Variants in VWC2 observed in about 807,000 individuals in gnomAD.
VWC2 encodes the protein brorin.
Under a neutral mutation model 29.8 loss-of-function variants are expected in VWC2, and 14 were observed. The ratio of observed to expected loss-of-function variants is 0.47; its 90% confidence interval spans 0.31 to 0.74. The LOEUF (loss-of-function observed/expected upper bound fraction) is 0.74. Among genes scored for constraint, VWC2 ranks in the 30% least tolerant of loss-of-function variants. VWC2 has a pLI of 0.05. For synonymous variants in VWC2, 213 were observed against 199.0 expected (o/e 1.07, Z -0.59); for missense variants, 457 against 459.8 (o/e 0.99, Z 0.05).
At chr7:49,836,206 A>C (rs1476807744) in intron 3 of VWC2, among the ~76,000 whole-genome samples, 1 of 152,216 alleles carries the variant, frequency 6.6e-6, no homozygotes, top group Non-Finnish European at 1.5e-5. Flanking sequence ...TCATATTTGT[A>C]AAACCAAACT....
chr7:49,916,064 C>T lies in VWC2; in HGVS notation c.*3879C>T, dbSNP rs1031654547. The T allele has an allele frequency of 3.9e-5, 6 of 152,210 alleles. No individual in the cohort carries two copies. Among genetic ancestry groups the T allele is most frequent in the African/African-American group, 1.4e-4 (6 of 41,460 alleles). 9.4% of individuals were successfully genotyped at this position (152,210 alleles called of 1,614,324 possible). On this transcript the variant is annotated 3_prime_UTR_variant, in exon 4 of 4. Transcript: ENST00000340652. ...ATTTTTCACATTTCAGCTGCAACTT[C>T]CAAAGATCAGGTTCTCATTGCTCCG...
intron 3 of VWC2, among the ~76,000 whole-genome samples, chr7:49,909,967 G>T (rs1411356818): frequency 6.6e-6 from 1 of 151,880 alleles, no homozygotes; most frequent in Non-Finnish European, 1.5e-5. Context: ...AAGTTACTCA[G>T]GTGTGGTGGT....
At chr7:49,851,225 T>A (rs918790097) in intron 3 of VWC2, among the ~76,000 whole-genome samples, 2 of 152,214 alleles carry the variant, frequency 1.3e-5, no homozygotes, top group African/African-American at 4.8e-5. Context: ...CCTTTTCTTA[T>A]AATGACACTT....
intron 3 of VWC2, among the ~76,000 whole-genome samples, chr7:49,866,639 T>C (rs917086617): frequency 3.3e-5 from 5 of 152,212 alleles, no homozygotes; most frequent in East Asian, 3.9e-4. Context: ...TCACAAAAGA[T>C]GGTCAGTTTT....
Position 49,867,845 on chromosome 7 carries a change from A to AT in VWC2, c.827-44183dup, listed in dbSNP as rs11448329. On this transcript the variant is annotated intron_variant, in intron 3 of 3. Coordinates refer to ENST00000340652, the MANE Select transcript of VWC2 (RefSeq NM_198570.5). ...ATTTTTTATTTTATTATTTTATTTT[A>AT]TTTTTTGAGGTGGAGTCTTGCCCTG... Among the ~76,000 whole-genome samples the AT allele has an allele frequency of 1.3e-3, 160 of 127,368 alleles. 1 individual carries two copies. Among genetic ancestry groups the AT allele is most frequent in the Non-Finnish European group, 1.7e-3 (96 of 56,382 alleles). 83.6% of individuals were successfully genotyped at this position (127,368 alleles called of 152,430 possible). A position where few individuals can be genotyped will look rare whatever the true frequency, so the allele number is the denominator to read the frequency against.
At chr7:49,785,282 T>C (rs1583623946) in intron 2 of VWC2, among the ~76,000 whole-genome samples, 1 of 152,208 alleles carries the variant, frequency 6.6e-6, no homozygotes. Context: ...AGGAAAGAGA[T>C]GTTTCGATAC....
chr7:49,795,936 G>C (rs1788579083), intron 2 of VWC2, among the ~76,000 whole-genome samples: 1 of 152,180 alleles, frequency 6.6e-6, no homozygotes, highest in Non-Finnish European at 1.5e-5. Flanking sequence ...GGCTTGGCAG[G>C]CTCCAGGGGG....
chr7:49,910,750 A>C (rs1284954994), intron 3 of VWC2, among the ~76,000 whole-genome samples: 1 of 152,198 alleles, frequency 6.6e-6, no homozygotes, highest in Non-Finnish European at 1.5e-5. Context: ...AATTACAGAG[A>C]TCCTCAATTC....
intron 3 of VWC2, among the ~76,000 whole-genome samples, chr7:49,804,602 G>A (rs1583639258): frequency 6.6e-6 from 1 of 152,172 alleles, no homozygotes; most frequent in African/African-American, 2.4e-5. Flanking sequence ...CCTAGCTTGA[G>A]TGTTAACAAT....
At chr7:49,786,489 G>T (rs1337214732) in intron 2 of VWC2, among the ~76,000 whole-genome samples, 1 of 152,138 alleles carries the variant, frequency 6.6e-6, no homozygotes, top group East Asian at 1.9e-4. Flanking sequence ...TTTTCCTTTG[G>T]GTATATACCC....
chr7:49,802,883 T>C (rs1383991176), intron 3 of VWC2, 43 bp downstream of exon 3: 1 of 1,613,034 alleles, frequency 6.2e-7, no homozygotes, highest in Non-Finnish European at 8.5e-7. Flanking sequence ...CCTCCCACCC[T>C]GATGCACAAC....
chr7:49,856,044 GGCT>G (rs2128718357), intron 3 of VWC2, among the ~76,000 whole-genome samples: 1 of 152,270 alleles, frequency 6.6e-6, no homozygotes, highest in Non-Finnish European at 1.5e-5. Context: ...AGGTATATAA[GGCT>G]GCCTTTCAGG....
chr7:49,783,677 A>G (rs1788228202), intron 2 of VWC2, among the ~76,000 whole-genome samples: 1 of 152,174 alleles, frequency 6.6e-6, no homozygotes, highest in African/African-American at 2.4e-5. Flanking sequence ...GTGGAAAAGG[A>G]TGATGTCAGG....
At chr7:49,816,946 G>C (rs1789160293) in intron 3 of VWC2, among the ~76,000 whole-genome samples, 1 of 152,192 alleles carries the variant, frequency 6.6e-6, no homozygotes, top group South Asian at 2.1e-4. Context: ...GTTGAATCCA[G>C]ACACTCAAGA....
rs72332840 is a variant in VWC2 at position 49,871,908 on chromosome 7, A to AACAC, written c.827-40079_827-40076dup. 7.3e-3 allele frequency among the ~76,000 whole-genome samples: 642 copies of AACAC among 87,888 alleles called. 8 individuals carry two copies. The highest frequency in any genetic ancestry group is 0.015 in the South Asian group (30 of 1,988). The allele number at this position is 87,888 out of a possible 152,430, so 57.7% of individuals were successfully genotyped here. A position where few individuals can be genotyped will look rare whatever the true frequency, so the allele number is the denominator to read the frequency against. On this transcript the variant is annotated intron_variant, in intron 3 of 3. Coordinates refer to ENST00000340652, the MANE Select transcript of VWC2 (RefSeq NM_198570.5). ...TTTTGTATGTATATGTGTGTATATAAACACACACACACACACACACACACA... is the reference window on the plus strand; with the variant it reads ...TTTTGTATGTATATGTGTGTATATAAACACACACACACACACACACACACACACA...
At chr7:49,859,692 C>T (rs1021633166) in intron 3 of VWC2, among the ~76,000 whole-genome samples, 8 of 152,296 alleles carry the variant, frequency 5.3e-5, no homozygotes, top group Non-Finnish European at 8.8e-5. Flanking sequence ...TGTTGCCAAT[C>T]GGTGGGCAAG....
intron 2 of VWC2, among the ~76,000 whole-genome samples, chr7:49,799,791 GTTATAT>G (rs1788693203): frequency 6.6e-6 from 1 of 152,116 alleles, no homozygotes; most frequent in African/African-American, 2.4e-5. Flanking sequence ...ACACACCTAG[GTTATAT>G]GGTATATCCT....
intron 3 of VWC2, among the ~76,000 whole-genome samples, chr7:49,840,652 T>C (rs895753980): frequency 2.6e-5 from 4 of 152,204 alleles, no homozygotes; most frequent in African/African-American, 9.7e-5. Flanking sequence ...GATTATTTTT[T>C]CTTCCCATAT....
chr7:49,845,864 A>G (rs994406281), intron 3 of VWC2, among the ~76,000 whole-genome samples: 3 of 152,298 alleles, frequency 2.0e-5, no homozygotes, highest in Middle Eastern at 3.4e-3. Flanking sequence ...CGAGTGAGTT[A>G]GTGTGAGTGC....
Sources: gnomAD v4.1 joint callset for allele counts (sites outside exome capture counted in the v4.1 genomes callset) on GRCh38, gnomAD v4.1.1 for gene constraint, MANE v1.5 for transcripts, NCBI Gene and HGNC (gene_info 2026-07-23, HGNC 2026-07-21) for gene names.